SLC2A13: variants seen among roughly 807,000 people sequenced by gnomAD.
SLC2A13 encodes the protein proton myo-inositol cotransporter.
In SLC2A13, 32 loss-of-function variants were observed where a neutral mutation model predicts 64.4. The ratio of observed to expected loss-of-function variants is 0.50; its 90% CI spans 0.37 to 0.67. The LOEUF (loss-of-function observed/expected upper bound fraction) is 0.67, where lower values mean the gene tolerates loss of function less well. Ranked by LOEUF, SLC2A13 falls within the 30% of genes least tolerant of loss-of-function variation. The pLI, the probability that SLC2A13 is intolerant of heterozygous loss-of-function variation, is 0.00. For missense variants in SLC2A13, 743 were observed against 829.2 expected (o/e 0.90, Z 1.28); for synonymous variants, 338 against 327.1 (o/e 1.03, Z -0.36).
At position 39,812,382 on chromosome 12, in the gene SLC2A13, C is replaced by CT. The variant is rs375533439; in HGVS notation, c.1445+17720dup. ...CTTTTCTTTTCTTTTCTTTTCTTTT[C>CT]TTTCTTTCTCTCTCTCTTTCTTCCT... On this transcript the variant is annotated intron_variant, in intron 7 of 9. Coordinates refer to ENST00000280871, the MANE Select transcript of SLC2A13 (RefSeq NM_052885.4). 5.0e-3 allele frequency among the ~76,000 whole-genome samples: 502 copies of CT among 101,094 alleles called. 2 individuals are homozygous for CT. The highest frequency in any genetic ancestry group is 0.015 in the African/African-American group (425 of 29,022). The allele number at this position is 101,094 out of a possible 152,430, so 66.3% of individuals were successfully genotyped here.
chr12:39,842,803 C>G (rs968853795), intron 6 of SLC2A13, among the ~76,000 whole-genome samples: 1 of 151,946 alleles, frequency 6.6e-6, no homozygotes, highest in Non-Finnish European at 1.5e-5. Context: ...CTGGCAACCA[C>G]GAATCTACTC....
At chr12:39,866,660 T>C (rs1943920035) in intron 5 of SLC2A13, among the ~76,000 whole-genome samples, 1 of 152,128 alleles carries the variant, frequency 6.6e-6, no homozygotes. Flanking sequence ...TTTGTATTTT[T>C]AGTAGAGACG....
intron 6 of SLC2A13, among the ~76,000 whole-genome samples, chr12:39,831,754 C>G (rs1371351998): frequency 6.6e-6 from 1 of 152,002 alleles, no homozygotes; most frequent in African/African-American, 2.4e-5. Context: ...TAAAAAGAGC[C>G]TGGAACCTCC....
At position 39,788,070 on chromosome 12, in the gene SLC2A13, G is replaced by T. The variant is rs148671115; in HGVS notation, c.1446-23212C>A. Among the ~76,000 whole-genome samples the T allele has an allele frequency of 2.9e-3, 434 of 152,186 alleles. 2 individuals are homozygous for T. Among genetic ancestry groups the T allele is most frequent in the African/African-American group, 9.8e-3 (408 of 41,534 alleles). On this transcript the variant is annotated intron_variant, in intron 7 of 9. Coordinates refer to ENST00000280871, the MANE Select transcript of SLC2A13 (RefSeq NM_052885.4). ...CAATATTCTATTACTCATACTTGTT[G>T]TGGGGTATATAAACAAAAATTATTT...
intron 7 of SLC2A13, among the ~76,000 whole-genome samples, chr12:39,812,834 CCTT>C (rs1050574401): frequency 4.2e-5 from 6 of 143,464 alleles, no homozygotes; most frequent in Non-Finnish European, 9.1e-5. Flanking sequence ...TGTAGTATTA[CCTT>C]TTTTTTTTTT....
chr12:39,821,589 T>G (rs1371552212), intron 7 of SLC2A13, among the ~76,000 whole-genome samples: 1 of 152,192 alleles, frequency 6.6e-6, no homozygotes. Flanking sequence ...CAGTTATGCT[T>G]CTGTTCCACA....
chr12:39,998,156 G>T (rs754087548), intron 3 of SLC2A13, among the ~76,000 whole-genome samples: 1 of 152,162 alleles, frequency 6.6e-6, no homozygotes, highest in African/African-American at 2.4e-5. Flanking sequence ...TAAAGAAATT[G>T]TGGTATGTAT....
intron 3 of SLC2A13, among the ~76,000 whole-genome samples, chr12:40,006,208 A>C (rs570362050): frequency 1.3e-5 from 2 of 152,376 alleles, no homozygotes; most frequent in South Asian, 4.1e-4. Context: ...CTGGGAAAAC[A>C]TAAGAATACA....
chr12:39,845,694 T>C (rs1050480931), intron 6 of SLC2A13, among the ~76,000 whole-genome samples: 1 of 152,154 alleles, frequency 6.6e-6, no homozygotes, highest in Admixed American at 6.5e-5. Context: ...GATAGCATCA[T>C]GTCCTCTGAT....
intron 5 of SLC2A13, among the ~76,000 whole-genome samples, chr12:39,865,939 T>C (rs1315541163): frequency 6.6e-6 from 1 of 152,222 alleles, no homozygotes; most frequent in Non-Finnish European, 1.5e-5. Flanking sequence ...GTGCTTATTA[T>C]CTGGGTGACA....
intron 1 of SLC2A13, among the ~76,000 whole-genome samples, chr12:40,104,033 G>A (rs1282050172): frequency 1.3e-5 from 2 of 152,162 alleles, no homozygotes; most frequent in East Asian, 3.8e-4. Context: ...ATGTGGAGTT[G>A]AATATATGGC....
intron 5 of SLC2A13, 124 bp downstream of exon 5, chr12:39,871,674 A>ATTTTTTTG: frequency 1.0e-6 from 1 of 1,003,084 alleles, no homozygotes; most frequent in South Asian, 3.0e-5. Flanking sequence ...AAGAACTCTA[A>ATTTTTTTG]TTTTTTTGTT....
At chr12:39,853,505 C>T (rs893853272) in intron 6 of SLC2A13, among the ~76,000 whole-genome samples, 1 of 152,062 alleles carries the variant, frequency 6.6e-6, no homozygotes, top group Non-Finnish European at 1.5e-5. Context: ...CTAGTCCTCT[C>T]ACTTCTAAGC....
chr12:39,885,023 G>A (rs1944435444), intron 4 of SLC2A13, among the ~76,000 whole-genome samples: 1 of 152,210 alleles, frequency 6.6e-6, no homozygotes, highest in African/African-American at 2.4e-5. Context: ...TTATAGCCAG[G>A]AAGGAATTTC....
intron 1 of SLC2A13, among the ~76,000 whole-genome samples, chr12:40,055,993 A>C (rs1395053534): frequency 1.3e-5 from 2 of 151,706 alleles, no homozygotes; most frequent in Non-Finnish European, 2.9e-5. Context: ...AAACAAACAA[A>C]AAAAAAACAA....
chr12:40,049,672 T>C (rs533131946), intron 1 of SLC2A13, among the ~76,000 whole-genome samples: 4 of 152,274 alleles, frequency 2.6e-5, no homozygotes, highest in South Asian at 4.1e-4. Flanking sequence ...GCCATAACAG[T>C]TGTAATTTAT....
rs1938416153 is a variant in SLC2A13 at position 40,081,890 on chromosome 12, C to A, written c.556+23363G>T. On this transcript the variant is annotated intron_variant, in intron 1 of 9. Coordinates refer to ENST00000280871, the MANE Select transcript of SLC2A13 (RefSeq NM_052885.4). ...TTCTTTGATGCCCTTGAGGGTTTGA[C>A]AGTGGTATAAGCTGGGTATAAATTG... is the stretch of plus-strand genomic sequence containing the variant. 2.0e-5 allele frequency among the ~76,000 whole-genome samples: 3 copies of A among 152,296 alleles called. No homozygotes were observed. The South Asian group carries it at 6.2e-4, about 32-fold the overall frequency.
chr12:39,842,827 ATTTGCTATTCTG>A (rs1329498082), intron 6 of SLC2A13, among the ~76,000 whole-genome samples: 1 of 151,838 alleles, frequency 6.6e-6, no homozygotes, highest in African/African-American at 2.4e-5. Flanking sequence ...GTCTCTATGG[ATTTGCTATTCTG>A]GACATTTTAT....
intron 2 of SLC2A13, among the ~76,000 whole-genome samples, chr12:40,043,256 A>G (rs988496758): frequency 6.6e-6 from 1 of 152,142 alleles, no homozygotes. Flanking sequence ...TAACTAAGCA[A>G]TTTTCAAAAA....
Sources: allele counts gnomAD v4.1 joint callset (sites outside exome capture counted in the v4.1 genomes callset), GRCh38; gene constraint gnomAD v4.1.1; transcripts MANE v1.5; gene names NCBI Gene and HGNC (gene_info 2026-07-23, HGNC 2026-07-21).